The following OCA2 variants were observed in gnomAD, a reference collection of about 807,000 sequenced individuals.
OCA2 encodes P protein.
In OCA2, 77 loss-of-function variants were observed where a neutral mutation model predicts 100.2. The ratio of observed to expected loss-of-function variants is 0.77; its 90% CI spans 0.64 to 0.93. OCA2 has a LOEUF of 0.93. Among genes scored for constraint, OCA2 ranks in the 40% least tolerant of loss-of-function variants. The pLI, the probability that OCA2 is intolerant of heterozygous loss-of-function variation, is 0.00. For synonymous variants in OCA2, 432 were observed against 439.2 expected, an observed-to-expected ratio of 0.98 and a Z score of 0.21; for missense variants, 1,062 against 1,089.1, an observed-to-expected ratio of 0.98 and a Z score of 0.35.
chr15:28,031,409 G>A lies in OCA2; in HGVS notation c.326+656C>T, dbSNP rs76160002. Reference sequence around the variant, plus strand: ...GGAGCAGGCGGCTCAGGCTTCTGGCGGTTTGTTTGCAGAAAGAAAAGAAGA... The same window carrying A: ...GGAGCAGGCGGCTCAGGCTTCTGGCAGTTTGTTTGCAGAAAGAAAAGAAGA... On this transcript the variant is annotated intron_variant, in intron 3 of 23. Coordinates refer to ENST00000354638, the MANE Select transcript of OCA2 (RefSeq NM_000275.3). 2.0e-4 allele frequency among the ~76,000 whole-genome samples: 31 copies of A among 152,330 alleles called. No individual in the cohort carries two copies. In the East Asian group the frequency reaches 3.1e-3, roughly 15 times the overall value.
intron 19 of OCA2, among the ~76,000 whole-genome samples, chr15:27,904,948 G>A (rs1269136600): frequency 1.3e-5 from 2 of 152,202 alleles, no homozygotes; most frequent in Non-Finnish European, 2.9e-5. Context: ...CGGATCACCT[G>A]AGGTCAGGAG....
intron 9 of OCA2, among the ~76,000 whole-genome samples, chr15:27,998,058 T>C (rs1349305194): frequency 6.7e-6 from 1 of 148,734 alleles, no homozygotes; most frequent in East Asian, 2.0e-4. Context: ...AAGTTGCTTA[T>C]ATTGACTTAA....
intron 19 of OCA2, among the ~76,000 whole-genome samples, chr15:27,890,832 C>A (rs1327869846): frequency 6.6e-6 from 1 of 152,078 alleles, no homozygotes; most frequent in Non-Finnish European, 1.5e-5. Flanking sequence ...TCAAGACCAT[C>A]CTGGCCAACA....
At chr15:27,725,499 T>C in the OCA2 span, among the ~76,000 whole-genome samples, 5 of 152,092 alleles carry the variant, frequency 3.3e-5, no homozygotes, top group East Asian at 9.7e-4. Flanking sequence ...ACCCAGGAGG[T>C]GGAGGTTGTA....
chr15:27,918,470 C>T (rs1392496458), intron 19 of OCA2, among the ~76,000 whole-genome samples: 5 of 152,182 alleles, frequency 3.3e-5, no homozygotes, highest in African/African-American at 7.2e-5. Context: ...GGCAAGAATG[C>T]ATCCCGTAGT....
At chr15:27,903,601 C>T (rs1265043996) in intron 19 of OCA2, among the ~76,000 whole-genome samples, 1 of 152,186 alleles carries the variant, frequency 6.6e-6, no homozygotes, top group African/African-American at 2.4e-5. Flanking sequence ...CTTGGAACTC[C>T]CCTCGCCCCC....
At chr15:27,876,204 T>C (rs2036784327) in intron 19 of OCA2, among the ~76,000 whole-genome samples, 1 of 152,150 alleles carries the variant, frequency 6.6e-6, no homozygotes, top group Non-Finnish European at 1.5e-5. Context: ...TAATGCTTTT[T>C]CTGCATTTAT....
intron 15 of OCA2, among the ~76,000 whole-genome samples, chr15:27,961,065 C>T (rs972457884): frequency 3.9e-5 from 6 of 151,948 alleles, no homozygotes; most frequent in Non-Finnish European, 8.8e-5. Context: ...TGACAAAGGG[C>T]TAATATGCAG....
chr15:27,994,191 C>T (rs1251139049), intron 9 of OCA2, among the ~76,000 whole-genome samples: 1 of 152,144 alleles, frequency 6.6e-6, no homozygotes, highest in Non-Finnish European at 1.5e-5. Flanking sequence ...GTCAGATCAG[C>T]GGCAGCATCA....
intron 2 of OCA2, among the ~76,000 whole-genome samples, chr15:28,037,801 G>A (rs2043087459): frequency 6.6e-6 from 1 of 152,186 alleles, no homozygotes; most frequent in South Asian, 2.1e-4. Context: ...TCCAGCACCT[G>A]ATGCCATCCC....
chr15:28,050,909 G>A (rs985085623), intron 2 of OCA2, among the ~76,000 whole-genome samples: 4 of 151,690 alleles, frequency 2.6e-5, no homozygotes, highest in Admixed American at 6.6e-5. Context: ...CACCCATCCC[G>A]CCCCATCCTT....
At chr15:27,954,658 T>C (rs1172004559) in intron 17 of OCA2, among the ~76,000 whole-genome samples, 1 of 149,910 alleles carries the variant, frequency 6.7e-6, no homozygotes, top group Non-Finnish European at 1.5e-5. Flanking sequence ...TCTGTGTTCA[T>C]AAATGGGCTG....
downstream of OCA2, among the ~76,000 whole-genome samples, chr15:27,752,979 T>C (rs534840914): frequency 8.5e-5 from 13 of 152,050 alleles, no homozygotes; most frequent in Non-Finnish European, 1.5e-4. Context: ...GCTGAGGTCC[T>C]GTCTGATGCT....
the OCA2 span, among the ~76,000 whole-genome samples, chr15:27,730,779 GT>G: frequency 3.9e-5 from 3 of 76,658 alleles, no homozygotes; most frequent in African/African-American, 1.2e-4. Flanking sequence ...ATATATATAT[GT>G]TTTTTTTTCA....
intron 21 of OCA2, 114 bp from the exon 22 acceptor site, chr15:27,851,589 A>G (rs1171825598): frequency 2.3e-6 from 2 of 881,360 alleles, no homozygotes; most frequent in South Asian, 2.8e-5. Context: ...TCTAAGGAGC[A>G]TAAGATTTGT....
chr15:27,798,819 T>G (rs1235474678), intron 23 of OCA2, among the ~76,000 whole-genome samples: 1 of 152,114 alleles, frequency 6.6e-6, no homozygotes, highest in African/African-American at 2.4e-5. Context: ...ATGTTCCGGG[T>G]TTTTGGATTT....
intron 7 of OCA2, among the ~76,000 whole-genome samples, 172 bp downstream of exon 7, chr15:28,018,225 T>C (rs112903033): frequency 7.3e-5 from 11 of 151,246 alleles, no homozygotes; most frequent in Non-Finnish European, 1.5e-4. Flanking sequence ...AATAGAGAAA[T>C]GGTAAAAAGA....
the OCA2 span, among the ~76,000 whole-genome samples, chr15:27,743,578 A>G: frequency 6.6e-6 from 1 of 152,086 alleles, no homozygotes; most frequent in Non-Finnish European, 1.5e-5. Flanking sequence ...CATATCACAG[A>G]TGGTCTGCCC....
chr15:27,726,493 G>A, the OCA2 span, among the ~76,000 whole-genome samples: 41,619 of 152,052 alleles, frequency 0.27, 5,887 homozygotes, highest in South Asian at 0.4. Flanking sequence ...GACTCCGGTT[G>A]TACTGTAATG....
Sources: gnomAD v4.1 joint callset for allele counts (sites outside exome capture counted in the v4.1 genomes callset) on GRCh38, gnomAD v4.1.1 for gene constraint, MANE v1.5 for transcripts, NCBI Gene and HGNC (gene_info 2026-07-23, HGNC 2026-07-21) for gene names.